The following TNNT3 variants were observed in gnomAD, a reference collection of about 807,000 sequenced individuals.
The protein encoded by TNNT3 is troponin T3, fast skeletal type, also known as troponin T, fast skeletal muscle.
TNNT3 carries 36 observed loss-of-function variants against 54.2 expected under a neutral mutation model. That is an observed-to-expected ratio of 0.66 (90% CI 0.51 to 0.88). TNNT3 has a LOEUF of 0.88. Ranked by LOEUF, TNNT3 falls within the 40% of genes least tolerant of loss-of-function variation. The probability of loss-of-function intolerance (pLI) is 0.00; values close to 1 mark genes in which losing one functional copy is unlikely to be tolerated. For synonymous variants in TNNT3, 120 were observed against 109.7 expected, an observed-to-expected ratio of 1.09 and a Z score of -0.59; for missense variants, 291 against 331.6, an observed-to-expected ratio of 0.88 and a Z score of 0.95.
chr11:1,935,022 A>G, intron 14 of TNNT3, 103 bp downstream of exon 14: 1 of 1,136,466 alleles, frequency 8.8e-7, no homozygotes, highest in Non-Finnish European at 1.3e-6. Flanking sequence ...TGCCCACCCC[A>G]GGGACCTGGA....
chr11:1,928,979 C>T (rs567615317), intron 6 of TNNT3, 141 bp from the exon 7 acceptor site: 21 of 1,019,534 alleles, frequency 2.1e-5, no homozygotes, highest in East Asian at 4.8e-5. Context: ...TGTAGGGCCC[C>T]GCAGGCACAC....
At chr11:1,930,354 G>C (rs982900183) in intron 8 of TNNT3, among the ~76,000 whole-genome samples, 4 of 152,160 alleles carry the variant, frequency 2.6e-5, no homozygotes, top group Non-Finnish European at 5.9e-5. Context: ...AGTGAGTCCG[G>C]AAGTGGAGAA....
At chr11:1,932,003 C>A (rs926708067) in intron 8 of TNNT3, among the ~76,000 whole-genome samples, 1 of 152,184 alleles carries the variant, frequency 6.6e-6, no homozygotes, top group African/African-American at 2.4e-5. Flanking sequence ...TTCCCAGCCC[C>A]CTCTCCTCCT....
chr11:1,929,294 C>T (rs544911271), intron 7 of TNNT3, 151 bp downstream of exon 7: 1 of 1,044,700 alleles, frequency 9.6e-7, no homozygotes, highest in South Asian at 1.3e-5. Context: ...GAGGGCCAGG[C>T]CTTGCTGCTC....
intron 7 of TNNT3, among the ~76,000 whole-genome samples, 190 bp downstream of exon 7, chr11:1,929,333 A>C (rs1019549625): frequency 3.9e-5 from 6 of 152,152 alleles, no homozygotes. Flanking sequence ...TCGAGCTGCC[A>C]GGGCCTCGCG....
intron 8 of TNNT3, among the ~76,000 whole-genome samples, chr11:1,930,793 C>A (rs1247781730): frequency 6.6e-6 from 1 of 152,130 alleles, no homozygotes. Flanking sequence ...TACAGTAATG[C>A]TGGATCATGA....
At chr11:1,929,711 G>A in intron 7 of TNNT3, 99 bp from the exon 8 acceptor site, 3 of 1,381,842 alleles carry the variant, frequency 2.2e-6, no homozygotes, top group East Asian at 2.5e-5. Flanking sequence ...TCAGTGAAGG[G>A]GAACCCAGGG....
intron 2 of TNNT3, 40 bp downstream of exon 2, chr11:1,922,931 G>T: frequency 1.2e-6 from 2 of 1,613,736 alleles, no homozygotes; most frequent in Non-Finnish European, 1.7e-6. Context: ...CCTGGCTCGG[G>T]ACCCTGGCCC....
intron 14 of TNNT3, chr11:1,935,208 G>C: frequency 3.8e-6 from 2 of 520,570 alleles, no homozygotes; most frequent in Non-Finnish European, 7.0e-6. Flanking sequence ...TGGCAGAGCA[G>C]CCATGGCCAA....
chr11:1,923,634 C>T lies in TNNT3; in HGVS notation c.49+62C>T, dbSNP rs1187696039. ...TCCTTGGAACTTAACCCCCCTCTCC[C>T]GTGTGGCGCTCACAGAACCCCCTCC... is the stretch of plus-strand genomic sequence containing the variant. On this transcript the variant is annotated intron_variant, in intron 4 of 15. Coordinates refer to ENST00000278317, the MANE Select transcript of TNNT3 (RefSeq NM_006757.4). 6.0e-6 allele frequency: 8 copies of T among 1,327,428 alleles called. No individual in the cohort carries two copies. The East Asian group carries it at 7.6e-5, about 13-fold the overall frequency. 82.2% of individuals were successfully genotyped at this position (1,327,428 alleles called of 1,614,324 possible).
intron 1 of TNNT3, among the ~76,000 whole-genome samples, chr11:1,921,944 G>A (rs1007833531): frequency 2.6e-5 from 4 of 152,084 alleles, no homozygotes; most frequent in South Asian, 2.1e-4. Context: ...CGCCACCACC[G>A]CACATGGACA....
At chr11:1,925,403 C>T (rs1159695302) in intron 5 of TNNT3, 2 of 1,057,358 alleles carry the variant, frequency 1.9e-6, no homozygotes, top group Non-Finnish European at 2.8e-6. Flanking sequence ...GGGGCCCCCA[C>T]ATGTGGCCCT....
At chr11:1,936,351 C>A in intron 14 of TNNT3, 1 of 1,406,802 alleles carries the variant, frequency 7.1e-7, no homozygotes, top group Non-Finnish European at 9.9e-7. Context: ...GCTCAGGATG[C>A]TGGCGGCAGG....
intron 14 of TNNT3, among the ~76,000 whole-genome samples, chr11:1,936,542 C>T (rs1216546169): frequency 6.6e-6 from 1 of 152,182 alleles, no homozygotes; most frequent in Admixed American, 6.5e-5. Context: ...AGCGGCTGGC[C>T]CAGGAGCAGC....
chr11:1,925,498 G>A (rs1851332813), intron 5 of TNNT3: 1 of 623,898 alleles, frequency 1.6e-6, no homozygotes, highest in Non-Finnish European at 2.9e-6. Flanking sequence ...CAGCCCCCCA[G>A]GCAGTAGGGC....
At position 1,938,475 on chromosome 11, in the gene TNNT3, G is replaced by T. The variant is rs372186101; in HGVS notation, c.760G>T (p.Gly254Cys). The T allele has an allele frequency of 5.0e-6, 8 of 1,613,250 alleles. No homozygotes were observed. The African/African-American group carries it at 8.0e-5, about 16-fold the overall frequency. The change falls in exon 16 of 16, where the codon GGC (glycine) becomes TGC (cysteine). Residue 254 changes from glycine to cysteine, a missense_variant. Physicochemically the swap from Gly to Cys is radical, Grantham distance 159 (BLOSUM62 -3). Coordinates refer to ENST00000278317, the MANE Select transcript of TNNT3 (RefSeq NM_006757.4). ...TGGGACCCCAGCCAAGGGCAAAGTCGGCGGGCGCTGGAAGTAGAGAGGCCA... is the reference window on the plus strand; with the variant it reads ...TGGGACCCCAGCCAAGGGCAAAGTCTGCGGGCGCTGGAAGTAGAGAGGCCA... The part of the protein sequence containing the change: ...KAGTPAKGKV[G>C]GRWK
intron 1 of TNNT3, chr11:1,921,575 T>C (rs1160601745): frequency 6.6e-6 from 1 of 152,192 alleles, no homozygotes; most frequent in Non-Finnish European, 1.5e-5. Context: ...GATTCTGGGA[T>C]AGGAAAAAGC....
chr11:1,927,447 G>A (rs867675858), intron 6 of TNNT3, among the ~76,000 whole-genome samples: 4 of 152,206 alleles, frequency 2.6e-5, no homozygotes, highest in Non-Finnish European at 5.9e-5. Context: ...TTCATGGGCC[G>A]TGGGGCTGAG....
At chr11:1,924,415 G>A (rs914622661) in intron 4 of TNNT3, among the ~76,000 whole-genome samples, 1 of 152,254 alleles carries the variant, frequency 6.6e-6, no homozygotes, top group Non-Finnish European at 1.5e-5. Flanking sequence ...CAACTGGGGA[G>A]CGCGTTCACG....
Sources: allele counts gnomAD v4.1 joint callset (sites outside exome capture counted in the v4.1 genomes callset), GRCh38; gene constraint gnomAD v4.1.1; transcripts MANE v1.5; gene names NCBI Gene and HGNC (gene_info 2026-07-23, HGNC 2026-07-21).